Variants in CAVIN1 observed in about 807,000 individuals in gnomAD.
CAVIN1 encodes the protein caveolae associated protein 1.
In CAVIN1, 16 loss-of-function variants were observed where a neutral mutation model predicts 24.0. The observed-to-expected ratio is 0.67, with a 90% CI of 0.45 to 1.01. The LOEUF (loss-of-function observed/expected upper bound fraction) is 1.01, where lower values mean the gene tolerates loss of function less well. Among genes scored for constraint, CAVIN1 ranks in the 50% least tolerant of loss-of-function variants. The pLI is 0.00. For missense variants in CAVIN1, 510 were observed against 551.7 expected, an observed-to-expected ratio of 0.92 and a Z score of 0.76; for synonymous variants, 256 against 256.4, an observed-to-expected ratio of 1.00 and a Z score of 0.02.
In CAVIN1 at chr17:42,422,811, A is replaced by C. The variant is rs2085562821; in HGVS notation, c.287T>G (p.Leu96Arg). The C allele has an allele frequency of 6.2e-7, 1 of 1,613,594 alleles. No homozygotes were observed. Among genetic ancestry groups the C allele is most frequent in the African/African-American group, 1.3e-5 (1 of 74,896 alleles). ...VQSIQGELSKLGKAHATTSNT... is the reference protein window; with the variant it reads ...VQSIQGELSKRGKAHATTSNT... ...GCTCGTGGTGGCGTGCGCCTTGCCC[A>C]GCTTGCTCAGCTCGCCCTGGATGCT... The change falls in exon 1 of 2, where the codon CTG becomes CGG. Residue 96 changes from leucine to arginine, a missense_variant. Coordinates refer to ENST00000357037, the MANE Select transcript of CAVIN1 (RefSeq NM_012232.6).
Position 42,404,762 on chromosome 17 carries a change from G to A in CAVIN1, c.1098C>T (p.Ser366=). 6.4e-7 allele frequency: 1 copy of A among 1,566,680 alleles called. No individual in the cohort carries two copies. Among genetic ancestry groups the A allele is most frequent in the Non-Finnish European group, 8.6e-7 (1 of 1,159,466 alleles). Residue 366 remains serine (S), a synonymous_variant, in exon 2 of 2, where the codon AGC becomes AGT. Transcript: ENST00000357037. ...GEAGDLRRGS[S]PDVHALLEIT... Reference sequence around the variant, plus strand: ...TCTCCAGCAGCGCGTGCACGTCGGGGCTGCTCCCGCGCCGCAGGTCGCCGG... The same window carrying A: ...TCTCCAGCAGCGCGTGCACGTCGGGACTGCTCCCGCGCCGCAGGTCGCCGG...
intron 1 of CAVIN1, among the ~76,000 whole-genome samples, chr17:42,413,841 A>G (rs371536533): frequency 7.2e-5 from 11 of 152,206 alleles, no homozygotes; most frequent in African/African-American, 2.6e-4. Context: ...ATGAGTAAAT[A>G]CAAAGGCACA....
At position 42,403,106 on chromosome 17, in the gene CAVIN1, T is replaced by C. The variant is rs2085421998; in HGVS notation, c.*1581A>G. The stretch of plus-strand genomic sequence containing the variant: ...CTTTTTAAACAGCGTATCACTCTGT[T>C]GCCTAGGATGGAGCACAGAGGCACC... On this transcript the variant is annotated 3_prime_UTR_variant, in exon 2 of 2. Coordinates refer to ENST00000357037, the MANE Select transcript of CAVIN1 (RefSeq NM_012232.6). 6.6e-6 allele frequency: 1 copy of C among 152,278 alleles called. No individual in the cohort carries two copies. The highest frequency in any genetic ancestry group is 6.5e-5 in the Admixed American group (1 of 15,270). 9.4% of individuals were successfully genotyped at this position (152,278 alleles called of 1,614,324 possible).
intron 1 of CAVIN1, among the ~76,000 whole-genome samples, chr17:42,405,843 A>G (rs576882391): frequency 2.6e-5 from 4 of 151,366 alleles, no homozygotes; most frequent in African/African-American, 9.7e-5. Context: ...GCCCGCCACC[A>G]CGCCGGCTAA....
intron 1 of CAVIN1, among the ~76,000 whole-genome samples, chr17:42,418,326 G>C (rs1336056083): frequency 1.3e-5 from 2 of 150,996 alleles, no homozygotes; most frequent in Non-Finnish European, 1.5e-5. Context: ...CTGCCTCCTG[G>C]GTTCAAGTGA....
intron 1 of CAVIN1, among the ~76,000 whole-genome samples, chr17:42,416,159 G>T (rs1185878626): frequency 6.6e-6 from 1 of 152,074 alleles, no homozygotes; most frequent in African/African-American, 2.4e-5. Flanking sequence ...CCTGAGGTCA[G>T]GAGTTCGAGA....
intron 1 of CAVIN1, among the ~76,000 whole-genome samples, chr17:42,421,864 C>T (rs1191576274): frequency 1.3e-5 from 2 of 152,102 alleles, no homozygotes; most frequent in African/African-American, 2.4e-5. Context: ...GGGCTGTCCA[C>T]CCACTCCACC....
rs770770591 is a variant in CAVIN1 at position 42,422,620 on chromosome 17, G to A, written c.471+7C>T. On this transcript the variant is annotated splice_region_variant and intron_variant, in intron 1 of 1. Coordinates refer to ENST00000357037, the MANE Select transcript of CAVIN1 (RefSeq NM_012232.6). ...AGCTCTGGGCGCCTTCCGCCCTGTG[G>A]GCTCACCTGGTAGATCATGACTTTA... 1 of 1,561,770 alleles carries A rather than the reference G, an allele frequency of 6.4e-7. No individual in the cohort carries two copies. Among genetic ancestry groups the A allele is most frequent in the South Asian group, 1.2e-5 (1 of 85,236 alleles).
intron 1 of CAVIN1, among the ~76,000 whole-genome samples, chr17:42,410,651 A>G (rs966913987): frequency 3.3e-5 from 5 of 151,988 alleles, no homozygotes; most frequent in Non-Finnish European, 5.9e-5. Context: ...CTGTGGCTCA[A>G]GGCTGTAATC....
intron 1 of CAVIN1, chr17:42,412,174 G>A: frequency 1.0e-6 from 1 of 985,256 alleles, no homozygotes; most frequent in Non-Finnish European, 1.2e-6. Context: ...CAGGTCAAAG[G>A]GCTCAGTCTC....
In CAVIN1 at chr17:42,423,171, C is replaced by A; in HGVS notation, c.-74G>T. The A allele has an allele frequency of 1.6e-6, 2 of 1,221,132 alleles. No individual in the cohort carries two copies. The highest frequency in any genetic ancestry group is 2.3e-6 in the Non-Finnish European group (2 of 883,820). 75.6% of individuals were successfully genotyped at this position (1,221,132 alleles called of 1,614,324 possible). A position where few individuals can be genotyped will look rare whatever the true frequency, so the allele number is the denominator to read the frequency against. ...CGGGAGACCCGGAGAGAAGCAGGAG[C>A]GGAAGGGAGGAGAGCTAGCGGGCGA... On this transcript the variant is annotated 5_prime_UTR_variant, in exon 1 of 2. Transcript: ENST00000357037.
chr17:42,416,374 A>AAG (rs894094961), intron 1 of CAVIN1, among the ~76,000 whole-genome samples: 39 of 41,956 alleles, frequency 9.3e-4, no homozygotes, highest in African/African-American at 1.4e-3. Context: ...TCAAAGAAAG[A>AAG]AGAGAGAGAG....
chr17:42,411,192 C>CAAAAAAAAAAAAAA lies in CAVIN1; in HGVS notation c.472-5818_472-5805dup, dbSNP rs71157624. 3.9e-3 allele frequency among the ~76,000 whole-genome samples: 183 copies of CAAAAAAAAAAAAAA among 46,460 alleles called. 22 individuals are homozygous for CAAAAAAAAAAAAAA. Among genetic ancestry groups the CAAAAAAAAAAAAAA allele is most frequent in the Non-Finnish European group, 4.9e-3 (131 of 26,644 alleles). The allele number at this position is 46,460 out of a possible 152,430, so 30.5% of individuals were successfully genotyped here. A position where few individuals can be genotyped will look rare whatever the true frequency, so the allele number is the denominator to read the frequency against. On this transcript the variant is annotated intron_variant, in intron 1 of 1. Transcript: ENST00000357037. ...TGGGTGACAGAGTAGGACTATGTCT[C>CAAAAAAAAAAAAAA]AAAAAAAAAAAAAAAAACTAAAAGG...
In CAVIN1 at chr17:42,405,317, C is replaced by T. The variant is rs2085437151; in HGVS notation, c.543G>A (p.Lys181=). 2 of 1,610,956 alleles carry T rather than the reference C, an allele frequency of 1.2e-6. No individual in the cohort carries two copies. The highest frequency in any genetic ancestry group is 1.7e-6 in the Non-Finnish European group (2 of 1,179,980). The change falls in exon 2 of 2, where the codon AAG becomes AAA. Residue 181 remains lysine, a synonymous_variant. Transcript: ENST00000357037. ...SLKESEALPE[K]EGEELGEGER... ...CGCCCTCGCCCAGCTCCTCGCCCTC[C>T]TTCTCTGGCAGCGCCTCCGACTCTT...
At chr17:42,422,321 C>G (rs2085553893) in intron 1 of CAVIN1, among the ~76,000 whole-genome samples, 2 of 152,220 alleles carry the variant, frequency 1.3e-5, no homozygotes. Context: ...GCAGCGTCCT[C>G]GAGTCCACCC....
At chr17:42,411,469 C>A (rs374918100) in intron 1 of CAVIN1, 2 of 985,240 alleles carry the variant, frequency 2.0e-6, no homozygotes, top group African/African-American at 1.7e-5. Flanking sequence ...CCAGAGCCAG[C>A]TAGAATGTCC....
At chr17:42,406,939 C>T (rs1299617295) in intron 1 of CAVIN1, among the ~76,000 whole-genome samples, 1 of 152,194 alleles carries the variant, frequency 6.6e-6, no homozygotes, top group Non-Finnish European at 1.5e-5. Context: ...CTTGCTTTCC[C>T]TACCCCCTGC....
chr17:42,422,341 G>A (rs1034650466), intron 1 of CAVIN1, among the ~76,000 whole-genome samples: 3 of 152,312 alleles, frequency 2.0e-5, no homozygotes, highest in African/African-American at 4.8e-5. Context: ...CGCTAATTCG[G>A]TTCTGCTACA....
intron 1 of CAVIN1, chr17:42,411,822 C>A: frequency 1.0e-6 from 1 of 985,384 alleles, no homozygotes; most frequent in Non-Finnish European, 1.2e-6. Flanking sequence ...AAACAGAAAC[C>A]AAGAAGTGGG....
Sources: allele counts gnomAD v4.1 joint callset (sites outside exome capture counted in the v4.1 genomes callset), GRCh38; gene constraint gnomAD v4.1.1; transcripts MANE v1.5; gene names NCBI Gene and HGNC (gene_info 2026-07-23, HGNC 2026-07-21).